Variants in MEIS1 observed in about 807,000 individuals in gnomAD.
The protein encoded by MEIS1 is Meis homeobox 1, also known as homeobox protein Meis1.
A neutral mutation model predicts 50.8 loss-of-function variants in MEIS1; 5 were observed. The observed-to-expected ratio is 0.10, with a 90% CI of 0.05 to 0.21. The LOEUF (loss-of-function observed/expected upper bound fraction) is 0.21. Among genes scored for constraint, MEIS1 ranks in the 10% least tolerant of loss-of-function variants. The pLI is 1.00. For missense variants in MEIS1, 318 were observed against 517.3 expected, an observed-to-expected ratio of 0.61 and a Z score of 3.74; for synonymous variants, 176 against 179.3, an observed-to-expected ratio of 0.98 and a Z score of 0.15.
At chr2:66,559,802 T>C (rs1345392814) in intron 9 of MEIS1, among the ~76,000 whole-genome samples, 1 of 152,126 alleles carries the variant, frequency 6.6e-6, no homozygotes, top group Non-Finnish European at 1.5e-5. Flanking sequence ...TTATGTTTAC[T>C]TAAATATAAA....
chr2:66,543,490 C>T (rs2103921005), intron 8 of MEIS1, among the ~76,000 whole-genome samples: 1 of 152,246 alleles, frequency 6.6e-6, no homozygotes, highest in South Asian at 2.1e-4. Flanking sequence ...CCTTTGAGGC[C>T]AGCATCTCTT....
chr2:66,554,076 T>C (rs1383238299), intron 9 of MEIS1, among the ~76,000 whole-genome samples: 2 of 152,214 alleles, frequency 1.3e-5, no homozygotes, highest in African/African-American at 2.4e-5. Flanking sequence ...AGCTGGAAGC[T>C]GCAATCCAGC....
chr2:66,546,201 G>T lies in MEIS1; in HGVS notation c.889-1742G>T, dbSNP rs911100462. Among the ~76,000 whole-genome samples the T allele has an allele frequency of 2.6e-5, 4 of 152,190 alleles. No individual in the cohort carries two copies. The East Asian group carries it at 7.7e-4, about 29-fold the overall frequency. On this transcript the variant is annotated intron_variant, in intron 8 of 12. Transcript: ENST00000272369. ...AGCGTGATAAGGCGGGGTGCTGGGAGGTGGGGAGGGTAAAGCTGAACATTT... is the reference window on the plus strand; with the variant it reads ...AGCGTGATAAGGCGGGGTGCTGGGATGTGGGGAGGGTAAAGCTGAACATTT...
At chr2:66,524,167 T>G (rs1165556991) in intron 8 of MEIS1, among the ~76,000 whole-genome samples, 1 of 152,204 alleles carries the variant, frequency 6.6e-6, no homozygotes, top group African/African-American at 2.4e-5. Context: ...TACCTTCTTG[T>G]GCTGTCTGAA....
At chr2:66,468,133 C>T (rs899658782) in intron 7 of MEIS1, among the ~76,000 whole-genome samples, 1 of 152,144 alleles carries the variant, frequency 6.6e-6, no homozygotes, top group African/African-American at 2.4e-5. Context: ...TCCAGGGCTG[C>T]CAAGTAGTGT....
intron 12 of MEIS1, 186 bp from the exon 13 acceptor site, chr2:66,571,060 A>T (rs951969409): frequency 4.9e-6 from 3 of 615,814 alleles, no homozygotes; most frequent in Admixed American, 7.6e-5. Context: ...TAGTGGCAAA[A>T]TGTGAGTTTC....
rs1239028014 is a variant in MEIS1, at chr2:66,441,405, T to C, written c.433-9T>C. The C allele has an allele frequency of 1.3e-6, 2 of 1,542,724 alleles. No homozygotes were observed. The highest frequency in any genetic ancestry group is 2.8e-5 in the African/African-American group (2 of 72,278). On this transcript the variant is annotated splice_polypyrimidine_tract_variant and intron_variant, in intron 4 of 12. Coordinates refer to ENST00000272369, the MANE Select transcript of MEIS1 (RefSeq NM_002398.3). Reference sequence around the variant, plus strand: ...GAATGGGGTGCTTATTGTTTTTGTATCTTTGCAGATGATTCAAGCCATACA... The same window carrying C: ...GAATGGGGTGCTTATTGTTTTTGTACCTTTGCAGATGATTCAAGCCATACA...
intron 8 of MEIS1, among the ~76,000 whole-genome samples, chr2:66,538,755 T>C (rs568285258): frequency 2.1e-4 from 32 of 152,306 alleles, no homozygotes; most frequent in South Asian, 1.0e-3. Context: ...ACAAAAGTAA[T>C]TGGCGAAACA....
chr2:66,477,143 G>A (rs140320765), intron 7 of MEIS1, among the ~76,000 whole-genome samples: 38 of 152,284 alleles, frequency 2.5e-4, no homozygotes, highest in East Asian at 1.5e-3. Flanking sequence ...GGGTTGTGGC[G>A]TGGTTGGATG....
chr2:66,488,257 C>A (rs1673188183), intron 7 of MEIS1, among the ~76,000 whole-genome samples: 1 of 152,054 alleles, frequency 6.6e-6, no homozygotes, highest in East Asian at 1.9e-4. Flanking sequence ...ATTAATATGT[C>A]CCATCAAAAG....
chr2:66,485,337 G>A (rs1673116674), intron 7 of MEIS1, among the ~76,000 whole-genome samples: 1 of 151,996 alleles, frequency 6.6e-6, no homozygotes, highest in East Asian at 1.9e-4. Context: ...TCCCACTTAT[G>A]AGTGAGAACA....
rs1338270369 is a variant in MEIS1, at chr2:66,573,038, C to T, written c.*1830C>T. On this transcript the variant is annotated 3_prime_UTR_variant, in exon 13 of 13. Coordinates refer to ENST00000272369, the MANE Select transcript of MEIS1 (RefSeq NM_002398.3). ...TCTAATATCAGTGAAATTATTCTTGCACATAAAGGCAAACCTAAGTACAAA... is the reference window on the plus strand; with the variant it reads ...TCTAATATCAGTGAAATTATTCTTGTACATAAAGGCAAACCTAAGTACAAA... The T allele has an allele frequency of 3.9e-5, 6 of 152,088 alleles. No homozygotes were observed. Among genetic ancestry groups the T allele is most frequent in the Non-Finnish European group, 8.8e-5 (6 of 68,020 alleles). 9.4% of individuals were successfully genotyped at this position (152,088 alleles called of 1,614,324 possible).
At chr2:66,474,845 C>CT (rs1238392510) in intron 7 of MEIS1, among the ~76,000 whole-genome samples, 14 of 152,146 alleles carry the variant, frequency 9.2e-5, no homozygotes. Context: ...CTTCCTGTTA[C>CT]TTATTTCCAT....
chr2:66,510,101 G>C (rs73937938), intron 7 of MEIS1, among the ~76,000 whole-genome samples: 1 of 152,072 alleles, frequency 6.6e-6, no homozygotes, highest in African/African-American at 2.4e-5. Context: ...TTTGCATATT[G>C]AAAGTGGATT....
intron 8 of MEIS1, among the ~76,000 whole-genome samples, chr2:66,533,193 C>G (rs1230221826): frequency 6.6e-6 from 1 of 152,114 alleles, no homozygotes; most frequent in Non-Finnish European, 1.5e-5. Flanking sequence ...GGTGCTCGTC[C>G]CCTGCCAAGA....
intron 8 of MEIS1, among the ~76,000 whole-genome samples, chr2:66,541,228 G>A (rs1306084888): frequency 3.3e-5 from 5 of 151,642 alleles, no homozygotes; most frequent in East Asian, 3.9e-4. Flanking sequence ...TAGTAGAGAC[G>A]AGGTTTCACC....
intron 8 of MEIS1, 105 bp from the exon 9 acceptor site, chr2:66,547,838 C>A: frequency 9.6e-7 from 1 of 1,042,738 alleles, no homozygotes. Flanking sequence ...AGTGACACAC[C>A]TCAGCATTTT....
At chr2:66,457,194 C>A (rs1303866178) in intron 6 of MEIS1, among the ~76,000 whole-genome samples, 22 of 142,218 alleles carry the variant, frequency 1.5e-4, no homozygotes, top group African/African-American at 5.7e-4. Context: ...ATCCACATAA[C>A]TTTTTTTCCA....
chr2:66,567,141 G>C (rs1034693775), intron 9 of MEIS1, among the ~76,000 whole-genome samples: 1 of 152,116 alleles, frequency 6.6e-6, no homozygotes, highest in African/African-American at 2.4e-5. Flanking sequence ...CAAATGAAAG[G>C]AGTGGTGGCT....
Sources: gnomAD v4.1 joint callset for allele counts (sites outside exome capture counted in the v4.1 genomes callset) on GRCh38, gnomAD v4.1.1 for gene constraint, MANE v1.5 for transcripts, NCBI Gene and HGNC (gene_info 2026-07-23, HGNC 2026-07-21) for gene names.